OBSL1: variants seen among roughly 807,000 people sequenced by gnomAD.
The protein encoded by OBSL1 is obscurin-like protein 1.
Under a neutral mutation model 172.0 loss-of-function variants are expected in OBSL1, and 160 were observed. That is an observed-to-expected ratio of 0.93 (90% confidence interval 0.82 to 1.06). OBSL1 has a LOEUF of 1.06. Among genes scored for constraint, OBSL1 ranks in the 50% least tolerant of loss-of-function variants. The probability of loss-of-function intolerance (pLI) is 0.00; values close to 1 mark genes in which losing one functional copy is unlikely to be tolerated. For synonymous variants in OBSL1, 1,200 were observed against 1,196.3 expected, an observed-to-expected ratio of 1.00 and a Z score of -0.06; for missense variants, 2,681 against 2,715.4, an observed-to-expected ratio of 0.99 and a Z score of 0.28.
In OBSL1 at chr2:219,563,400, A is replaced by C. The variant is rs1354853198; in HGVS notation, c.2635T>G (p.Cys879Gly). The C allele has an allele frequency of 6.2e-6, 10 of 1,609,018 alleles. No homozygotes were observed. The highest frequency in any genetic ancestry group is 8.5e-6 in the Non-Finnish European group (10 of 1,176,564). ...TQPSDGGEFQ[C>G]VAGDECAYFT... ...TAGGCACACTCATCTCCAGCGACGC[A>C]CTGAAACTCGCCCCCGTCTGAGGGC... Residue 879 changes from cysteine (C) to glycine (G), a missense_variant, in exon 7 of 21, where the codon TGC becomes GGC. Physicochemically the swap from Cys to Gly is radical, Grantham distance 159 (BLOSUM62 -3). Around this residue, in one of 5 missense-constraint regions of OBSL1, gnomAD observed 1,765 missense variants for 1,748.3 expected, o/e 1.01. Coordinates refer to ENST00000404537, the MANE Select transcript of OBSL1 (RefSeq NM_015311.3).
chr2:219,557,388 A>C lies in OBSL1; in HGVS notation c.4021T>G (p.Cys1341Gly). 3.9e-6 allele frequency: 6 copies of C among 1,540,552 alleles called. No homozygotes were observed. Among genetic ancestry groups the C allele is most frequent in the Non-Finnish European group, 5.3e-6 (6 of 1,141,482 alleles). The part of the protein sequence containing the change: ...ARSGDAGEYL[C>G]DAPQDSRIFL... ...ATGCGGCTGTCCTGGGGCGCATCGCACAGGTACTCCCCAGCGTCCCCGCTC... is the reference window on the plus strand; with the variant it reads ...ATGCGGCTGTCCTGGGGCGCATCGCCCAGGTACTCCCCAGCGTCCCCGCTC... Residue 1341 changes from cysteine (C) to glycine (G), a missense_variant, in exon 12 of 21, where the codon TGC becomes GGC. By Grantham distance (159) the Cys-to-Gly change is radical. This residue lies in a region of OBSL1 where 1,765 missense variants were observed against 1,748.3 expected (regional missense o/e 1.01). Coordinates refer to ENST00000404537, the MANE Select transcript of OBSL1 (RefSeq NM_015311.3).
Position 219,554,667 on chromosome 2 carries a change from C to T in OBSL1, c.4683G>A (p.Leu1561=). ...CGGTCACACCTTCCTGGGACAGCTC[C>T]AGCTGGAAGGTGGCACTGCCCCCCT... is the stretch of plus-strand genomic sequence containing the variant. ...ISEGGSATFQ[L]ELSQEGVTGE... Residue 1561 remains leucine (L), a synonymous_variant, in exon 15 of 21, where the codon CTG becomes CTA. Transcript: ENST00000404537. 6.2e-7 allele frequency: 1 copy of T among 1,602,256 alleles called. No homozygotes were observed.
chr2:219,564,116 A>G (rs1181261305), intron 6 of OBSL1, among the ~76,000 whole-genome samples: 1 of 152,208 alleles, frequency 6.6e-6, no homozygotes, highest in Non-Finnish European at 1.5e-5. Flanking sequence ...TGTGGAAAAC[A>G]GGACTCCCAC....
rs1018676831 is a variant in OBSL1, at chr2:219,552,380, G to T, written c.5308+156C>A. 9.3e-6 allele frequency: 8 copies of T among 857,590 alleles called. No individual in the cohort carries two copies. The African/African-American group carries it at 1.0e-4, about 11-fold the overall frequency. The allele number at this position is 857,590 out of a possible 1,614,324, so 53.1% of individuals were successfully genotyped here. On this transcript the variant is annotated intron_variant, in intron 18 of 20. Transcript: ENST00000404537. The stretch of plus-strand genomic sequence containing the variant: ...CGGGAAGCCTAGAGGTCCGGGACTA[G>T]GGGCTGGGGGCGGGGGAAAGAACAG...
At chr2:219,562,013 A>G (rs916069633) in intron 8 of OBSL1, 3 of 717,458 alleles carry the variant, frequency 4.2e-6, no homozygotes, top group Non-Finnish European at 7.8e-6. Context: ...AAGACTCTGC[A>G]GACCAAACAA....
At chr2:219,548,142 G>A, downstream of OBSL1, 1 of 1,406,712 alleles carries the variant, frequency 7.1e-7, no homozygotes, top group South Asian at 1.4e-5. Flanking sequence ...TGGGTTGGGG[G>A]CCAAGTGACT....
rs774710450 is a variant in OBSL1, at chr2:219,553,701, G to A, written c.4877-15C>T. 4 of 1,594,278 alleles carry A rather than the reference G, an allele frequency of 2.5e-6. No individual in the cohort carries two copies. In the African/African-American group the frequency reaches 4.0e-5, roughly 16 times the overall value. On this transcript the variant is annotated splice_polypyrimidine_tract_variant and intron_variant, in intron 15 of 20. Transcript: ENST00000404537. ...CACTGGGACCTCTGGGGGTGGGAGA[G>A]GGAGGACAGTGCAGAGGGAGCAGGA...
At chr2:219,552,778 A>G in intron 17 of OBSL1, 81 bp from the exon 18 acceptor site, 2 of 1,516,160 alleles carry the variant, frequency 1.3e-6, no homozygotes, top group Non-Finnish European at 1.8e-6. Context: ...CCTTTCTAGA[A>G]GCACGCGCGG....
intron 9 of OBSL1, 37 bp downstream of exon 9, chr2:219,559,188 C>T: frequency 1.3e-6 from 2 of 1,557,896 alleles, no homozygotes; most frequent in East Asian, 2.3e-5. Context: ...AGCCCCCTAC[C>T]TCTCTACCTC....
At chr2:219,553,131 C>G in intron 16 of OBSL1, 107 bp from the exon 17 acceptor site, 1 of 1,344,080 alleles carries the variant, frequency 7.4e-7, no homozygotes, top group South Asian at 1.6e-5. Context: ...TCTCGAGGCG[C>G]GTTTATGCGT....
chr2:219,550,624 T>G, downstream of OBSL1: 1 of 595,884 alleles, frequency 1.7e-6, no homozygotes, highest in South Asian at 2.3e-5. Flanking sequence ...GGCACTTTCA[T>G]GGGCCAGGTA....
rs186288873 is a variant in OBSL1, at chr2:219,551,313, G to A, written c.5683+216C>T. 7,312 of 1,413,824 alleles carry A rather than the reference G, an allele frequency of 5.2e-3. 31 individuals are homozygous for A. The highest frequency in any genetic ancestry group is 7.6e-3 in the Middle Eastern group (29 of 3,816). The allele number at this position is 1,413,824 out of a possible 1,614,324, so 87.6% of individuals were successfully genotyped here. On this transcript the variant is annotated intron_variant, in intron 20 of 20. Coordinates refer to ENST00000404537, the MANE Select transcript of OBSL1 (RefSeq NM_015311.3). ...GGCAAGAAGGGGCGTAGAAAGGTGG[G>A]AACAGCTGACCAGGAGCAGCTGATC...
intron 8 of OBSL1, among the ~76,000 whole-genome samples, chr2:219,560,868 A>C (rs1257513714): frequency 1.3e-5 from 2 of 152,176 alleles, no homozygotes; most frequent in Non-Finnish European, 2.9e-5. Context: ...GACAGGGTGC[A>C]GTGATGGGAC....
Position 219,553,611 on chromosome 2 carries a change from T to G in OBSL1, c.4952A>C (p.Glu1651Ala), listed in dbSNP as rs1274323290. ...AACATCAGCCAAAGCTTGGGAAAGCTCGCACTCGAACGTAGCTGTGTCGCC... is the reference window on the plus strand; with the variant it reads ...AACATCAGCCAAAGCTTGGGAAAGCGCGCACTCGAACGTAGCTGTGTCGCC... Reference protein sequence around the residue: ...TEGDTATFECELSQALADVTW... With the variant: ...TEGDTATFECALSQALADVTW... The change falls in exon 16 of 21, where the codon GAG becomes GCG. Residue 1651 changes from glutamate to alanine, a missense_variant. By Grantham distance (107) the Glu-to-Ala change is moderately radical (BLOSUM62 -1). Coordinates refer to ENST00000404537, the MANE Select transcript of OBSL1 (RefSeq NM_015311.3). The G allele has an allele frequency of 6.2e-6, 10 of 1,613,720 alleles. No individual in the cohort carries two copies. Among genetic ancestry groups the G allele is most frequent in the Non-Finnish European group, 8.5e-6 (10 of 1,179,866 alleles).
chr2:219,571,356 G>C lies in OBSL1; in HGVS notation c.-124C>G, dbSNP rs1559162306. The C allele has an allele frequency of 3.8e-6, 2 of 531,120 alleles. No individual in the cohort carries two copies. The highest frequency in any genetic ancestry group is 4.7e-5 in the Admixed American group (1 of 21,486). The allele number at this position is 531,120 out of a possible 1,614,324, so 32.9% of individuals were successfully genotyped here. A position where few individuals can be genotyped will look rare whatever the true frequency, so the allele number is the denominator to read the frequency against. ...GGGACTGGGCGCGGGGACCCGCGGA[G>C]CTCTCCCGGGCCTCCCGCTCCCGGC... On this transcript the variant is annotated 5_prime_UTR_variant, in exon 1 of 21. Coordinates refer to ENST00000404537, the MANE Select transcript of OBSL1 (RefSeq NM_015311.3).
Position 219,550,857 on chromosome 2 carries a change from C to T in OBSL1, c.5684-15G>A. On this transcript the variant is annotated splice_polypyrimidine_tract_variant and intron_variant, in intron 20 of 20. Transcript: ENST00000404537. ...CTCCTAGTTGCCTGCAGAGGAATGA[C>T]TCCACATGGGGCTGGGGAGAGAAGG... 2 of 1,596,864 alleles carry T rather than the reference C, an allele frequency of 1.3e-6. No individual in the cohort carries two copies. Among genetic ancestry groups the T allele is most frequent in the Non-Finnish European group, 1.7e-6 (2 of 1,172,964 alleles).
chr2:219,565,372 G>A lies in OBSL1; in HGVS notation c.2277C>T (p.Ser759=), dbSNP rs1320464382. ...CATCCATCTTCACCACCAGCAACTC[G>A]CTCTCCTCCACCTTCTGCCCATCCT... ...WYKDGQKVEE[S]ELLVVKMDGR... Residue 759 remains serine (S), a synonymous_variant, in exon 6 of 21, where the codon AGC becomes AGT. Coordinates refer to ENST00000404537, the MANE Select transcript of OBSL1 (RefSeq NM_015311.3). The A allele has an allele frequency of 1.9e-6, 3 of 1,613,986 alleles. No individual in the cohort carries two copies. Among genetic ancestry groups the A allele is most frequent in the African/African-American group, 1.3e-5 (1 of 75,040 alleles).
chr2:219,562,554 T>C lies in OBSL1; in HGVS notation c.2801A>G (p.Asp934Gly), dbSNP rs1696559567. 1 of 1,613,734 alleles carries C rather than the reference T, an allele frequency of 6.2e-7. No individual in the cohort carries two copies. Among genetic ancestry groups the C allele is most frequent in the African/African-American group, 1.3e-5 (1 of 74,934 alleles). ...GGGGCTCTCCACCACCTCCTCTCCATCCTTGGTCCAGCGCACCTCTGCCCA... is the reference window on the plus strand; with the variant it reads ...GGGGCTCTCCACCACCTCCTCTCCACCCTTGGTCCAGCGCACCTCTGCCCA... ...RPWAEVRWTK[D>G]GEEVVESPAL... The change falls in exon 8 of 21, where the codon GAT becomes GGT. Residue 934 changes from aspartate (D) to glycine (G), a missense_variant. By Grantham distance (94) the Asp-to-Gly change is moderately conservative. Around this residue, in one of 5 missense-constraint regions of OBSL1, gnomAD observed 1,765 missense variants for 1,748.3 expected, o/e 1.01. Transcript: ENST00000404537.
At chr2:219,550,112 C>T (rs189448582), downstream of OBSL1, 2,035 of 459,816 alleles carry the variant, frequency 4.4e-3, 6 homozygotes, top group Middle Eastern at 5.7e-3. Context: ...GTGTGTTGCC[C>T]GTGTGTCTGT....
Sources: allele counts gnomAD v4.1 joint callset (sites outside exome capture counted in the v4.1 genomes callset), GRCh38; gene constraint gnomAD v4.1.1; regional missense constraint gnomAD v4.1.1; transcripts MANE v1.5; gene names NCBI Gene and HGNC (gene_info 2026-07-23, HGNC 2026-07-21).